Variants in RRBP1 observed in about 807,000 individuals in gnomAD.
RRBP1 encodes ribosome-binding protein 1.
A neutral mutation model predicts 165.2 loss-of-function variants in RRBP1; 94 were observed. The observed-to-expected ratio is 0.57, with a 90% CI of 0.48 to 0.68. The LOEUF is 0.68. RRBP1 is among the 30% of genes least tolerant of loss of function. The pLI, the probability that RRBP1 is intolerant of heterozygous loss-of-function variation, is 0.00. For synonymous variants in RRBP1, 680 were observed against 714.5 expected (o/e 0.95, Z 0.77); for missense variants, 1,676 against 1,763.0 (o/e 0.95, Z 0.88).
chr20:17,650,083 T>G (rs1362565014), intron 3 of RRBP1, among the ~76,000 whole-genome samples: 1 of 151,994 alleles, frequency 6.6e-6, no homozygotes, highest in Non-Finnish European at 1.5e-5. Context: ...CCCAGAAGGA[T>G]GAGAGTTCCA....
chr20:17,650,285 C>T (rs554379512), intron 3 of RRBP1, among the ~76,000 whole-genome samples: 1 of 152,304 alleles, frequency 6.6e-6, no homozygotes, highest in South Asian at 2.1e-4. Context: ...TATCTGACAA[C>T]GTGGCAAGAA....
At position 17,676,162 on chromosome 20, in the gene RRBP1, T is replaced by C. The variant is rs370769293; in HGVS notation, c.-22+3837A>G. Reference sequence around the variant, plus strand: ...ATGTTGTAACTGCAGTGAGCAGTGATTGCGCCACTGTACTCCAGCCTGGGT... The same window carrying C: ...ATGTTGTAACTGCAGTGAGCAGTGACTGCGCCACTGTACTCCAGCCTGGGT... On this transcript the variant is annotated intron_variant, in intron 2 of 24. Transcript: ENST00000377813. 5.6e-4 allele frequency among the ~76,000 whole-genome samples: 85 copies of C among 152,310 alleles called. 2 individuals carry two copies. In the South Asian group the frequency reaches 0.013, roughly 24 times the overall value.
chr20:17,615,398 C>G (rs1402303731), intron 23 of RRBP1, 33 bp downstream of exon 23: 1 of 1,556,004 alleles, frequency 6.4e-7, no homozygotes, highest in Non-Finnish European at 8.8e-7. Context: ...AGCAGACCCT[C>G]CAGGTGTGAC....
chr20:17,638,927 C>T (rs2036296651), intron 5 of RRBP1, among the ~76,000 whole-genome samples: 1 of 152,170 alleles, frequency 6.6e-6, no homozygotes, highest in Non-Finnish European at 1.5e-5. Context: ...GGCCTGGTAA[C>T]AGGAACTCCT....
At chr20:17,625,420 A>T in intron 12 of RRBP1, 92 bp downstream of exon 12, 1 of 1,096,096 alleles carries the variant, frequency 9.1e-7, no homozygotes, top group South Asian at 1.3e-5. Flanking sequence ...CCCTCCCCCG[A>T]GTCCAGGGCG....
intron 6 of RRBP1, among the ~76,000 whole-genome samples, chr20:17,635,882 T>C (rs2036238147): frequency 6.6e-6 from 1 of 152,172 alleles, no homozygotes; most frequent in Non-Finnish European, 1.5e-5. Flanking sequence ...GACACCTCTC[T>C]CCCTCCTCAC....
Position 17,619,686 on chromosome 20 carries a change from G to C in RRBP1, c.3622C>G (p.His1208Asp). The C allele has an allele frequency of 6.2e-7, 1 of 1,613,056 alleles. No homozygotes were observed. The highest frequency in any genetic ancestry group is 1.1e-5 in the South Asian group (1 of 91,016). Reference protein sequence around the residue: ...TSHLEAELEKHMAAASAECQN... With the variant: ...TSHLEAELEKDMAAASAECQN... ...CACTCGGCGCTGGCGGCCGCCATGTGCTTTTCCAGCTCTGCCTCCAAATGC... is the reference window on the plus strand; with the variant it reads ...CACTCGGCGCTGGCGGCCGCCATGTCCTTTTCCAGCTCTGCCTCCAAATGC... The change falls in exon 19 of 25, where the codon CAC becomes GAC. Residue 1208 changes from histidine (H) to aspartate (D), a missense_variant. By Grantham distance (81) the His-to-Asp change is moderately conservative (BLOSUM62 -1). Transcript: ENST00000377813.
intron 2 of RRBP1, among the ~76,000 whole-genome samples, chr20:17,670,997 T>C (rs2036967007): frequency 6.6e-6 from 1 of 152,224 alleles, no homozygotes. Flanking sequence ...TTACAAATTA[T>C]TCATCTATGT....
chr20:17,668,412 T>G (rs182289687), intron 2 of RRBP1, among the ~76,000 whole-genome samples: 12 of 152,356 alleles, frequency 7.9e-5, no homozygotes, highest in Admixed American at 3.3e-4. Flanking sequence ...ATATTATATC[T>G]TTGTGGGGCT....
intron 23 of RRBP1, among the ~76,000 whole-genome samples, chr20:17,615,105 G>A (rs2035772545): frequency 6.6e-6 from 1 of 152,254 alleles, no homozygotes; most frequent in Admixed American, 6.5e-5. Flanking sequence ...TCCTGGGGCA[G>A]GAGCAGTTTA....
intron 16 of RRBP1, among the ~76,000 whole-genome samples, chr20:17,621,015 C>T (rs1192463374): frequency 6.6e-6 from 1 of 152,172 alleles, no homozygotes; most frequent in Non-Finnish European, 1.5e-5. Flanking sequence ...CAGTGCCAGG[C>T]AAGGAAATGA....
chr20:17,681,913 G>T (rs1280487341), intron 1 of RRBP1, 115 bp downstream of exon 1: 2 of 146,668 alleles, frequency 1.4e-5, no homozygotes, highest in Non-Finnish European at 3.0e-5. Flanking sequence ...CGGCGGGCGG[G>T]CCGGGGGAGG....
chr20:17,618,944 G>GC, intron 19 of RRBP1: 1 of 457,032 alleles, frequency 2.2e-6, no homozygotes, highest in Non-Finnish European at 4.0e-6. Context: ...GCAAAAAAGG[G>GC]CCAAAAGTTG....
At chr20:17,665,629 C>T (rs1002984460) in intron 2 of RRBP1, among the ~76,000 whole-genome samples, 6 of 152,184 alleles carry the variant, frequency 3.9e-5, no homozygotes, top group African/African-American at 1.4e-4. Context: ...AGTTGAACCA[C>T]AAATTATTAG....
In RRBP1 at chr20:17,629,873, C is replaced by G; in HGVS notation, c.2699G>C (p.Ser900Thr). Residue 900 changes from serine (S) to threonine (T), a missense_variant, in exon 9 of 25, where the codon AGC becomes ACC. Physicochemically the swap from Ser to Thr is moderately conservative, Grantham distance 58. Around this residue, in one of 5 missense-constraint regions of RRBP1, gnomAD observed 1,184 missense variants for 1,167.1 expected, o/e 1.01. Transcript: ENST00000377813. ...ELCHTQSSHA[S>T]LRADAEKAQE... ...GGCCTTCTCGGCATCCGCCCGGAGG[C>G]TGGCGTGGCTGCTCTGCGTGTGGCA... is the stretch of plus-strand genomic sequence containing the variant. The G allele has an allele frequency of 6.2e-7, 1 of 1,600,126 alleles. No individual in the cohort carries two copies. The highest frequency in any genetic ancestry group is 8.5e-7 in the Non-Finnish European group (1 of 1,179,500).
intron 11 of RRBP1, among the ~76,000 whole-genome samples, chr20:17,626,611 T>C (rs2036025810): frequency 2.6e-5 from 4 of 152,274 alleles, no homozygotes; most frequent in Admixed American, 2.0e-4. Context: ...ACACCCTCCA[T>C]GCCTCCCCCA....
At chr20:17,673,038 G>A (rs916048813) in intron 2 of RRBP1, among the ~76,000 whole-genome samples, 3 of 152,190 alleles carry the variant, frequency 2.0e-5, no homozygotes, top group African/African-American at 7.2e-5. Context: ...TCTATTTCTT[G>A]ATCTGCTGGT....
chr20:17,617,731 A>C (rs1168153355), intron 20 of RRBP1, among the ~76,000 whole-genome samples: 3 of 152,232 alleles, frequency 2.0e-5, no homozygotes, highest in Non-Finnish European at 4.4e-5. Context: ...CTGAATGACC[A>C]AGGGGGACCG....
At chr20:17,620,401 A>G (rs1206306478) in intron 17 of RRBP1, 31 bp from the exon 18 acceptor site, 4 of 1,583,444 alleles carry the variant, frequency 2.5e-6, no homozygotes, top group South Asian at 1.1e-5. Context: ...TCCGTCAGAC[A>G]CGAGCACCTG....
Sources: allele counts gnomAD v4.1 joint callset (sites outside exome capture counted in the v4.1 genomes callset), GRCh38; gene constraint gnomAD v4.1.1; regional missense constraint gnomAD v4.1.1; transcripts MANE v1.5; gene names NCBI Gene and HGNC (gene_info 2026-07-23, HGNC 2026-07-21).